CARNMT1: variants seen among roughly 807,000 people sequenced by gnomAD.
The protein encoded by CARNMT1 is protein-L-histidine N-pros-methyltransferase CARNMT1.
CARNMT1 carries 28 observed loss-of-function variants against 49.6 expected under a neutral mutation model. That is an observed-to-expected ratio of 0.56 (90% confidence interval 0.42 to 0.77). CARNMT1 has a LOEUF of 0.77. Ranked by LOEUF, CARNMT1 falls within the 30% of genes least tolerant of loss-of-function variation. The probability of loss-of-function intolerance (pLI) is 0.00; values close to 1 mark genes in which losing one functional copy is unlikely to be tolerated. For synonymous variants in CARNMT1, 178 were observed against 175.0 expected (o/e 1.02, Z -0.13); for missense variants, 421 against 512.6 (o/e 0.82, Z 1.73).
intron 3 of CARNMT1, among the ~76,000 whole-genome samples, chr9:75,015,528 G>C (rs1374282963): frequency 6.6e-6 from 1 of 152,060 alleles, no homozygotes; most frequent in East Asian, 1.9e-4. Context: ...GCTCACACCT[G>C]TAATCCCAGC....
chr9:75,020,935 C>T (rs1419368562), intron 1 of CARNMT1, among the ~76,000 whole-genome samples: 4 of 152,184 alleles, frequency 2.6e-5, no homozygotes, highest in South Asian at 2.1e-4. Flanking sequence ...GGCAAATTAC[C>T]GCCTTCCTTT....
intron 3 of CARNMT1, among the ~76,000 whole-genome samples, chr9:75,011,065 A>C (rs1290270179): frequency 6.6e-6 from 1 of 152,190 alleles, no homozygotes; most frequent in Non-Finnish European, 1.5e-5. Flanking sequence ...GAAGATGTTC[A>C]GTTTCACTCA....
chr9:75,024,610 T>C (rs1822470972), intron 1 of CARNMT1, among the ~76,000 whole-genome samples: 5 of 152,224 alleles, frequency 3.3e-5, no homozygotes, highest in Admixed American at 3.3e-4. Flanking sequence ...AATGAGAATG[T>C]CATCTAAGCA....
rs547723379 is a variant in CARNMT1 at position 75,021,873 on chromosome 9, G to T, written c.231-4425C>A. ...GAATTGCTTTAGCCCAGAAAGTCAA[G>T]GGGGCAGCGAGCTATGATTGTGTCA... On this transcript the variant is annotated intron_variant, in intron 1 of 7. Coordinates refer to ENST00000376834, the MANE Select transcript of CARNMT1 (RefSeq NM_152420.3). Among the ~76,000 whole-genome samples the T allele has an allele frequency of 2.6e-5, 4 of 152,216 alleles. No homozygotes were observed. In the South Asian group the frequency reaches 6.2e-4, roughly 24 times the overall value.
At chr9:75,026,987 AG>A in intron 1 of CARNMT1, 1 of 844,512 alleles carries the variant, frequency 1.2e-6, no homozygotes, top group South Asian at 1.4e-5. Context: ...ATAATACATA[AG>A]ATGAACAATA....
At chr9:75,017,506 T>C in intron 1 of CARNMT1, 58 bp from the exon 2 acceptor site, 5 of 1,434,376 alleles carry the variant, frequency 3.5e-6, no homozygotes, top group Non-Finnish European at 4.9e-6. Flanking sequence ...GAGGCCAATC[T>C]TACTTTAAGG....
intron 6 of CARNMT1, among the ~76,000 whole-genome samples, chr9:74,985,726 C>A (rs563783980): frequency 6.6e-6 from 1 of 152,110 alleles, no homozygotes; most frequent in Non-Finnish European, 1.5e-5. Flanking sequence ...ATTACAGGAA[C>A]CTGTCGCCAC....
chr9:75,025,360 A>T (rs1312994708), intron 1 of CARNMT1, among the ~76,000 whole-genome samples: 2 of 152,256 alleles, frequency 1.3e-5, no homozygotes, highest in Non-Finnish European at 2.9e-5. Flanking sequence ...TGCAAAAGCA[A>T]CAGGAAGTGG....
chr9:74,983,845 T>G lies in CARNMT1; in HGVS notation c.1152A>C (p.Ser384=). ...KVEVEKESVL[S]TYTVNDLSMM... is the part of the protein sequence containing the mutation. The stretch of plus-strand genomic sequence containing the variant: ...TAGAGAGATCATTCACAGTATATGT[T>G]GACAATACAGATTCTTTTTCCACCT... The change falls in exon 8 of 8, where the codon TCA becomes TCC. Residue 384 remains serine (S), a synonymous_variant. Transcript: ENST00000376834. The G allele has an allele frequency of 6.3e-7, 1 of 1,599,378 alleles. No homozygotes were observed. The highest frequency in any genetic ancestry group is 1.3e-5 in the African/African-American group (1 of 74,600).
chr9:74,983,914 C>T, intron 7 of CARNMT1, 46 bp from the exon 8 acceptor site: 1 of 1,341,578 alleles, frequency 7.5e-7, no homozygotes. Flanking sequence ...TCATCATGAC[C>T]ACACCACTAA....
intron 1 of CARNMT1, among the ~76,000 whole-genome samples, chr9:75,023,926 G>T (rs1275419842): frequency 6.6e-6 from 1 of 152,204 alleles, no homozygotes; most frequent in Non-Finnish European, 1.5e-5. Flanking sequence ...GACTCTCCTT[G>T]GTTCTGAACT....
chr9:75,011,157 C>T (rs1833680412), intron 3 of CARNMT1, among the ~76,000 whole-genome samples: 1 of 152,192 alleles, frequency 6.6e-6, no homozygotes, highest in Non-Finnish European at 1.5e-5. Context: ...AGGCTTAAAA[C>T]TACAGTATTT....
At chr9:74,983,956 G>C (rs1832751368) in intron 7 of CARNMT1, 88 bp from the exon 8 acceptor site, 1 of 774,908 alleles carries the variant, frequency 1.3e-6, no homozygotes, top group Admixed American at 2.9e-5. Flanking sequence ...TCAGTGGCAG[G>C]CACTATTTTA....
chr9:75,027,128 C>T (rs1325402242), intron 1 of CARNMT1: 3 of 1,303,828 alleles, frequency 2.3e-6, no homozygotes, highest in Admixed American at 4.6e-5. Flanking sequence ...ATATCTCTTA[C>T]GTGAATAAAA....
At chr9:75,003,209 CTTA>C (rs919113050) in intron 3 of CARNMT1, among the ~76,000 whole-genome samples, 2 of 152,148 alleles carry the variant, frequency 1.3e-5, no homozygotes, top group African/African-American at 4.8e-5. Flanking sequence ...ACTCAATTAC[CTTA>C]TTATTATAAA....
intron 3 of CARNMT1, among the ~76,000 whole-genome samples, chr9:75,005,397 A>G (rs1286206034): frequency 6.7e-6 from 1 of 150,270 alleles, no homozygotes; most frequent in African/African-American, 2.5e-5. Context: ...AGAAACTGAT[A>G]TATGTGTTTC....
chr9:74,999,427 T>G (rs1833292905), intron 4 of CARNMT1, among the ~76,000 whole-genome samples: 4 of 152,162 alleles, frequency 2.6e-5, no homozygotes, highest in Non-Finnish European at 5.9e-5. Context: ...GGAATAAATT[T>G]AGAAATACTC....
intron 3 of CARNMT1, chr9:75,009,877 C>T (rs1833633302): frequency 2.0e-5 from 3 of 151,988 alleles, no homozygotes; most frequent in Admixed American, 6.6e-5. Context: ...AGAAAACAGT[C>T]GCACAAACAG....
intron 3 of CARNMT1, among the ~76,000 whole-genome samples, chr9:75,009,425 G>C (rs150197167): frequency 6.6e-5 from 10 of 151,890 alleles, no homozygotes; most frequent in Non-Finnish European, 1.2e-4. Flanking sequence ...TTCGGTGTAA[G>C]TAAGTAACCC....
Sources: gnomAD v4.1 joint callset for allele counts (sites outside exome capture counted in the v4.1 genomes callset) on GRCh38, gnomAD v4.1.1 for gene constraint, MANE v1.5 for transcripts, NCBI Gene and HGNC (gene_info 2026-07-23, HGNC 2026-07-21) for gene names.